CLDN11: variants seen among roughly 807,000 people sequenced by gnomAD.
The protein encoded by CLDN11 is claudin 11, also known as claudin-11.
CLDN11 carries 1 observed loss-of-function variant against 18.0 expected under a neutral mutation model. The observed-to-expected ratio is 0.06, with a 90% CI of 0.02 to 0.26. The LOEUF (loss-of-function observed/expected upper bound fraction) is 0.26, where lower values mean the gene tolerates loss of function less well. CLDN11 is among the 10% of genes least tolerant of loss of function. The pLI is 1.00. For missense variants in CLDN11, 172 were observed against 276.6 expected (o/e 0.62, Z 2.68); for synonymous variants, 116 against 121.5 (o/e 0.96, Z 0.30).
At chr3:170,421,368 G>A (rs1177062035) in intron 1 of CLDN11, 1 of 912,536 alleles carries the variant, frequency 1.1e-6, no homozygotes, top group East Asian at 1.2e-4. Flanking sequence ...AGCCGCAGAG[G>A]CGGACGGCTG....
intron 2 of CLDN11, among the ~76,000 whole-genome samples, chr3:170,427,744 G>A (rs965630254): frequency 6.6e-6 from 1 of 150,768 alleles, no homozygotes; most frequent in East Asian, 2.0e-4. Flanking sequence ...ATGTGGCAGA[G>A]TTTGCAGTGA....
intron 2 of CLDN11, among the ~76,000 whole-genome samples, chr3:170,425,769 A>G (rs1183763441): frequency 1.3e-5 from 2 of 151,958 alleles, no homozygotes; most frequent in Non-Finnish European, 2.9e-5. Flanking sequence ...CATTTCCGAT[A>G]TTGTCTGCCT....
intron 2 of CLDN11, among the ~76,000 whole-genome samples, chr3:170,428,591 T>C (rs978000413): frequency 2.0e-5 from 3 of 152,214 alleles, no homozygotes; most frequent in African/African-American, 4.8e-5. Flanking sequence ...TGAAGCTTTC[T>C]TTTCCCTTCC....
intron 1 of CLDN11, among the ~76,000 whole-genome samples, chr3:170,420,014 C>G (rs559423537): frequency 2.6e-5 from 4 of 152,344 alleles, no homozygotes; most frequent in African/African-American, 9.6e-5. Flanking sequence ...TGGATAGGGA[C>G]GAGCGGGCGC....
chr3:170,420,303 G>A (rs985373789), intron 1 of CLDN11, among the ~76,000 whole-genome samples: 4 of 152,182 alleles, frequency 2.6e-5, no homozygotes, highest in African/African-American at 7.2e-5. Flanking sequence ...TCCCTACAAG[G>A]TGGGCTTCTG....
chr3:170,421,092 A>G (rs996945817), intron 1 of CLDN11: 3 of 137,658 alleles, frequency 2.2e-5, no homozygotes, highest in Non-Finnish European at 4.5e-5. Context: ...ATTCAGTGCC[A>G]AGTGGTTTGT....
At chr3:170,421,702 C>CT (rs1466131555) in intron 1 of CLDN11, among the ~76,000 whole-genome samples, 3 of 152,092 alleles carry the variant, frequency 2.0e-5, no homozygotes, top group Non-Finnish European at 4.4e-5. Flanking sequence ...CCCCCCCCAC[C>CT]TTTTTTAAGA....
intron 2 of CLDN11, among the ~76,000 whole-genome samples, chr3:170,427,686 G>A (rs1241087784): frequency 1.3e-5 from 2 of 151,844 alleles, no homozygotes; most frequent in Non-Finnish European, 2.9e-5. Flanking sequence ...GCAGGTGCCT[G>A]TAATCCCAGC....
chr3:170,434,389 T>C lies in CLDN11; in HGVS notation c.*1633T>C, dbSNP rs1320798720. 2.0e-5 allele frequency among the ~76,000 whole-genome samples: 3 copies of C among 152,240 alleles called. No individual in the cohort carries two copies. Among genetic ancestry groups the C allele is most frequent in the Non-Finnish European group, 4.4e-5 (3 of 68,038 alleles). ...ATCAGAAACAAAGTTCTCAGCATTA[T>C]GCAGTTAATGTCCTTCATCTACTTC... is the stretch of plus-strand genomic sequence containing the variant. On this transcript the variant is annotated 3_prime_UTR_variant, in exon 3 of 3. Coordinates refer to ENST00000064724, the MANE Select transcript of CLDN11 (RefSeq NM_005602.6).
intron 2 of CLDN11, among the ~76,000 whole-genome samples, chr3:170,430,483 T>C (rs1738970790): frequency 6.6e-6 from 1 of 152,094 alleles, no homozygotes; most frequent in African/African-American, 2.4e-5. Flanking sequence ...ATGACTGTGC[T>C]TACTTTTTAA....
At chr3:170,424,034 AAAAAG>A (rs752317224) in intron 2 of CLDN11, among the ~76,000 whole-genome samples, 1,728 of 133,032 alleles carry the variant, frequency 0.013, 33 homozygotes, top group African/African-American at 0.057. Flanking sequence ...AAAAAAAAAA[AAAAAG>A]AAAAAGAAAA....
rs911456868 is a variant in CLDN11 at position 170,434,422 on chromosome 3, T to C, written c.*1666T>C. Among the ~76,000 whole-genome samples the C allele has an allele frequency of 1.3e-5, 2 of 152,174 alleles. No homozygotes were observed. Among genetic ancestry groups the C allele is most frequent in the Non-Finnish European group, 2.9e-5 (2 of 68,022 alleles). Reference sequence around the variant, plus strand: ...ATGTCCTTCATCTACTTCTAACACTTAGTAAAGGAATTGATTGGCTAGGTA... The same window carrying C: ...ATGTCCTTCATCTACTTCTAACACTCAGTAAAGGAATTGATTGGCTAGGTA... On this transcript the variant is annotated 3_prime_UTR_variant, in exon 3 of 3. Transcript: ENST00000064724.
intron 2 of CLDN11, chr3:170,423,551 A>C (rs1738771935): frequency 1.9e-6 from 1 of 530,778 alleles, no homozygotes; most frequent in Non-Finnish European, 3.3e-6. Context: ...ATAAGTTTAA[A>C]AAGAGAAAGA....
At chr3:170,429,436 A>G (rs1738945034) in intron 2 of CLDN11, among the ~76,000 whole-genome samples, 1 of 152,222 alleles carries the variant, frequency 6.6e-6, no homozygotes, top group African/African-American at 2.4e-5. Flanking sequence ...TAAAGTCACA[A>G]TAAGATTTTA....
chr3:170,427,703 G>A (rs1339171735), intron 2 of CLDN11, among the ~76,000 whole-genome samples: 2 of 151,926 alleles, frequency 1.3e-5, no homozygotes, highest in East Asian at 3.9e-4. Context: ...CAGCTACGCA[G>A]GAGGCTGAGG....
chr3:170,431,180 A>C (rs1738994523), intron 2 of CLDN11, among the ~76,000 whole-genome samples: 1 of 152,192 alleles, frequency 6.6e-6, no homozygotes, highest in Non-Finnish European at 1.5e-5. Context: ...GCTTATGTTA[A>C]GTTATATTTC....
At chr3:170,426,373 A>G (rs1481938547) in intron 2 of CLDN11, among the ~76,000 whole-genome samples, 2 of 152,232 alleles carry the variant, frequency 1.3e-5, no homozygotes, top group Admixed American at 6.5e-5. Context: ...CCAGATGAGT[A>G]GTACAGGAGC....
At chr3:170,427,035 A>G (rs1407750368) in intron 2 of CLDN11, among the ~76,000 whole-genome samples, 1 of 152,108 alleles carries the variant, frequency 6.6e-6, no homozygotes, top group Non-Finnish European at 1.5e-5. Flanking sequence ...GTGCCTGGCC[A>G]AGAAGGTCTT....
chr3:170,431,448 G>A (rs987511130), intron 2 of CLDN11, among the ~76,000 whole-genome samples: 2 of 151,890 alleles, frequency 1.3e-5, no homozygotes, highest in Non-Finnish European at 2.9e-5. Context: ...TGTGTTGTTC[G>A]GTACAGTAGC....
Sources: gnomAD v4.1 joint callset for allele counts (sites outside exome capture counted in the v4.1 genomes callset) on GRCh38, gnomAD v4.1.1 for gene constraint, MANE v1.5 for transcripts, NCBI Gene and HGNC (gene_info 2026-07-23, HGNC 2026-07-21) for gene names.